ZFYVE21: variants seen among roughly 807,000 people sequenced by gnomAD.
The protein encoded by ZFYVE21 is zinc finger FYVE domain-containing protein 21.
Under a neutral mutation model 29.5 loss-of-function variants are expected in ZFYVE21, and 21 were observed. The ratio of observed to expected loss-of-function variants is 0.71; its 90% confidence interval spans 0.50 to 1.02. The LOEUF (loss-of-function observed/expected upper bound fraction) is 1.02. Among genes scored for constraint, ZFYVE21 ranks in the 50% least tolerant of loss-of-function variants. The pLI is 0.00. For synonymous variants in ZFYVE21, 151 were observed against 133.8 expected, an observed-to-expected ratio of 1.13 and a Z score of -0.89; for missense variants, 326 against 335.4, an observed-to-expected ratio of 0.97 and a Z score of 0.22.
Position 103,716,156 on chromosome 14 carries a change from C to T in ZFYVE21, c.138+177C>T, listed in dbSNP as rs1209668542. 7.3e-5 allele frequency among the ~76,000 whole-genome samples: 11 copies of T among 151,596 alleles called. No individual in the cohort carries two copies. Among genetic ancestry groups the T allele is most frequent in the Non-Finnish European group, 1.0e-4 (7 of 67,862 alleles). ...CGTCCCCGGGCCGCCGCCTCAGGCT[C>T]CTACGCCCGCGGGGAGGGCGGGAGG... On this transcript the variant is annotated intron_variant, in intron 1 of 6. Coordinates refer to ENST00000311141, the MANE Select transcript of ZFYVE21 (RefSeq NM_024071.4). This position sits in a 1 kb window ranked among gnomAD's most constrained non-coding sequence, Gnocchi z 4.8.
chr14:103,726,846 A>C lies in ZFYVE21; in HGVS notation c.189+4A>C. On this transcript the variant is annotated splice_donor_region_variant and intron_variant, in intron 2 of 6. Transcript: ENST00000311141. ...GTTTGACTTTCTCACCAGAAAGGTG[A>C]GCTGAGGCCGCTGAGTGGGGGTGGT... 2 of 1,611,604 alleles carry C rather than the reference A, an allele frequency of 1.2e-6. No homozygotes were observed. Among genetic ancestry groups the C allele is most frequent in the Non-Finnish European group, 1.7e-6 (2 of 1,178,902 alleles).
At chr14:103,726,947 C>CGTTTTTTTTTTTTTT in intron 2 of ZFYVE21, 105 bp downstream of exon 2, 1 of 679,998 alleles carries the variant, frequency 1.5e-6, no homozygotes, top group Non-Finnish European at 2.2e-6. Context: ...TCTTATGGCT[C>CGTTTTTTTTTTTTTT]GTTTTTTTTT....
intron 1 of ZFYVE21, among the ~76,000 whole-genome samples, chr14:103,718,786 CAGA>C (rs1334475635): frequency 6.6e-6 from 1 of 152,188 alleles, no homozygotes; most frequent in African/African-American, 2.4e-5. Flanking sequence ...GTGGTGCTGG[CAGA>C]AGAATGACCG....
intron 5 of ZFYVE21, chr14:103,730,102 C>A: frequency 1.9e-6 from 1 of 517,154 alleles, no homozygotes; most frequent in Non-Finnish European, 3.4e-6. Flanking sequence ...AGCTCTCTGT[C>A]AGTACCTGCC....
chr14:103,727,115 T>C (rs891526641), intron 2 of ZFYVE21: 1 of 403,628 alleles, frequency 2.5e-6, no homozygotes, highest in Non-Finnish European at 4.6e-6. Flanking sequence ...CTGGCTAATA[T>C]TTATATTTTT....
intron 5 of ZFYVE21, chr14:103,729,914 C>A: frequency 6.6e-7 from 1 of 1,508,788 alleles, no homozygotes; most frequent in Non-Finnish European, 8.9e-7. Flanking sequence ...CGCCACCTGG[C>A]TTCTGTCCAC....
At chr14:103,728,661 A>G (rs2083949902) in intron 3 of ZFYVE21, 1 of 496,004 alleles carries the variant, frequency 2.0e-6, no homozygotes, top group African/African-American at 1.9e-5. Context: ...AGGATGTAAA[A>G]GAATTTCTAG....
intron 1 of ZFYVE21, among the ~76,000 whole-genome samples, chr14:103,722,180 T>G (rs528312429): frequency 6.6e-6 from 1 of 152,350 alleles, no homozygotes; most frequent in Non-Finnish European, 1.5e-5. Flanking sequence ...TTGCTTTATT[T>G]CATATTAAAT....
At chr14:103,732,437 G>T in intron 5 of ZFYVE21, 183 bp from the exon 6 acceptor site, 1 of 622,638 alleles carries the variant, frequency 1.6e-6, no homozygotes. Flanking sequence ...GTGAGCTTGG[G>T]GTCTCCCCTC....
chr14:103,727,417 G>T (rs2083938347), intron 2 of ZFYVE21: 2 of 424,412 alleles, frequency 4.7e-6, no homozygotes, highest in Non-Finnish European at 9.3e-6. Context: ...CCCTCGTGAA[G>T]TGTCTTGCCC....
Position 103,715,868 on chromosome 14 carries a change from C to T in ZFYVE21, c.27C>T (p.Arg9=), listed in dbSNP as rs1467486282. The T allele has an allele frequency of 2.2e-5, 31 of 1,429,192 alleles. No individual in the cohort carries two copies. Among genetic ancestry groups the T allele is most frequent in the Non-Finnish European group, 2.7e-5 (29 of 1,086,556 alleles). 88.5% of individuals were successfully genotyped at this position (1,429,192 alleles called of 1,614,324 possible). ...TGTCCTCCGAGGTGTCCGCGCGCCG[C>T]GACGCCAAGAAGCTGGTGCGCTCCC... MSSEVSAR[R]DAKKLVRSPS... Residue 9 remains arginine, a synonymous_variant, in exon 1 of 7, where the codon CGC becomes CGT. Transcript: ENST00000311141.
chr14:103,729,737 C>T, intron 5 of ZFYVE21: 2 of 1,532,186 alleles, frequency 1.3e-6, no homozygotes, highest in Non-Finnish European at 1.7e-6. Context: ...CTTCCGTTCT[C>T]TCACCGGCTC....
intron 2 of ZFYVE21, chr14:103,727,409 C>G (rs2083938258): frequency 4.5e-6 from 2 of 439,850 alleles, no homozygotes; most frequent in Admixed American, 2.8e-5. Context: ...CCGCTTTGCC[C>G]TCGTGAAGTG....
At chr14:103,723,974 AG>A (rs1421195457) in intron 1 of ZFYVE21, among the ~76,000 whole-genome samples, 1 of 152,224 alleles carries the variant, frequency 6.6e-6, no homozygotes, top group Non-Finnish European at 1.5e-5. Flanking sequence ...GCACCGCATC[AG>A]AGCAGCTCCT....
At chr14:103,717,982 T>C (rs2083841926) in intron 1 of ZFYVE21, among the ~76,000 whole-genome samples, 1 of 152,188 alleles carries the variant, frequency 6.6e-6, no homozygotes, top group Admixed American at 6.5e-5. Context: ...CGAGGGGACA[T>C]GTACGGTAAC....
chr14:103,732,930 A>G, intron 6 of ZFYVE21, 53 bp from the exon 7 acceptor site: 1 of 1,613,612 alleles, frequency 6.2e-7, no homozygotes, highest in Non-Finnish European at 8.5e-7. Context: ...GCTTGGCTCC[A>G]CCAGGCACAG....
At chr14:103,722,063 T>C (rs1310558371) in intron 1 of ZFYVE21, among the ~76,000 whole-genome samples, 1 of 152,206 alleles carries the variant, frequency 6.6e-6, no homozygotes, top group African/African-American at 2.4e-5. Flanking sequence ...GAGGCGCTGG[T>C]GGGAGCCTGG....
At chr14:103,728,287 C>G (rs1268894187) in intron 3 of ZFYVE21, among the ~76,000 whole-genome samples, 1 of 152,196 alleles carries the variant, frequency 6.6e-6, no homozygotes, top group African/African-American at 2.4e-5. Flanking sequence ...ACGATGCAGA[C>G]CCGGTTTTGA....
intron 5 of ZFYVE21, chr14:103,731,125 C>G (rs1332185804): frequency 6.6e-6 from 1 of 152,284 alleles, no homozygotes; most frequent in African/African-American, 2.4e-5. Flanking sequence ...GCCTGGGCAA[C>G]ATGGTGAAAC....
Sources: gnomAD v4.1 joint callset for allele counts (sites outside exome capture counted in the v4.1 genomes callset) on GRCh38, gnomAD v4.1.1 for gene constraint, Gnocchi (gnomAD v3.1) non-coding constraint, MANE v1.5 for transcripts, NCBI Gene and HGNC (gene_info 2026-07-23, HGNC 2026-07-21) for gene names.